Variants in ATRNL1 observed in about 807,000 individuals in gnomAD.
ATRNL1 encodes attractin-like protein 1.
A neutral mutation model predicts 182.7 loss-of-function variants in ATRNL1; 95 were observed. The ratio of observed to expected loss-of-function variants is 0.52; its 90% CI spans 0.44 to 0.62. The LOEUF (loss-of-function observed/expected upper bound fraction) is 0.62, where lower values mean the gene tolerates loss of function less well. Ranked by LOEUF, ATRNL1 falls within the 20% of genes least tolerant of loss-of-function variation. ATRNL1 has a pLI of 0.00. For missense variants in ATRNL1, 1,471 were observed against 1,679.5 expected (o/e 0.88, Z 2.17); for synonymous variants, 576 against 568.3 (o/e 1.01, Z -0.19).
intron 9 of ATRNL1, among the ~76,000 whole-genome samples, chr10:115,218,231 A>G (rs1849306772): frequency 6.6e-6 from 1 of 151,810 alleles, no homozygotes; most frequent in Admixed American, 6.6e-5. Flanking sequence ...TGTTTTGCCT[A>G]TGTTCAGTCT....
intron 8 of ATRNL1, among the ~76,000 whole-genome samples, chr10:115,178,070 C>T (rs1181546243): frequency 6.6e-6 from 1 of 151,170 alleles, no homozygotes; most frequent in Non-Finnish European, 1.5e-5. Context: ...AGGCATGCAC[C>T]ACCACACCCA....
chr10:115,502,935 G>C (rs967436331), intron 24 of ATRNL1, among the ~76,000 whole-genome samples: 8 of 152,046 alleles, frequency 5.3e-5, no homozygotes, highest in Non-Finnish European at 2.9e-5. Context: ...CACCTCCTCT[G>C]CGATAGTTTT....
chr10:115,869,778 C>T (rs1435115507), intron 28 of ATRNL1, among the ~76,000 whole-genome samples: 2 of 151,674 alleles, frequency 1.3e-5, no homozygotes, highest in Admixed American at 6.6e-5. Context: ...TTTACATAAG[C>T]GGCATCATTT....
At chr10:115,616,668 A>C (rs1179698107) in intron 26 of ATRNL1, among the ~76,000 whole-genome samples, 1 of 151,992 alleles carries the variant, frequency 6.6e-6, no homozygotes, top group East Asian at 1.9e-4. Flanking sequence ...CATCCTAGTC[A>C]CTCCAGCTCC....
At position 115,948,979 on chromosome 10, in the gene ATRNL1, C is replaced by T. The variant is rs2133660486; in HGVS notation, c.*4200C>T. 6.6e-6 allele frequency: 1 copy of T among 152,268 alleles called. No homozygotes were observed. Among genetic ancestry groups the T allele is most frequent in the African/African-American group, 2.4e-5 (1 of 41,546 alleles). 9.4% of individuals were successfully genotyped at this position (152,268 alleles called of 1,614,324 possible). A position where few individuals can be genotyped will look rare whatever the true frequency, so the allele number is the denominator to read the frequency against. On this transcript the variant is annotated 3_prime_UTR_variant, in exon 29 of 29. Coordinates refer to ENST00000355044, the MANE Select transcript of ATRNL1 (RefSeq NM_207303.4). ...ACTTTATTAAATAAAAACATTGGCTCTTCCAACCCCCACTGCCAAATGCAG... is the reference window on the plus strand; with the variant it reads ...ACTTTATTAAATAAAAACATTGGCTTTTCCAACCCCCACTGCCAAATGCAG...
At chr10:115,340,461 C>CT (rs1389244935) in intron 19 of ATRNL1, among the ~76,000 whole-genome samples, 1 of 133,852 alleles carries the variant, frequency 7.5e-6, no homozygotes, top group African/African-American at 2.8e-5. Flanking sequence ...CTTTTTTTTT[C>CT]TTTTCTTTTC....
chr10:115,789,648 A>G (rs1297840937), intron 27 of ATRNL1, among the ~76,000 whole-genome samples: 3 of 152,040 alleles, frequency 2.0e-5, no homozygotes, highest in African/African-American at 7.2e-5. Flanking sequence ...TGCCTTTGTC[A>G]TTTTTTCCTA....
intron 26 of ATRNL1, among the ~76,000 whole-genome samples, chr10:115,577,561 T>G (rs562797955): frequency 1.2e-4 from 18 of 151,602 alleles, no homozygotes; most frequent in Non-Finnish European, 2.4e-4. Flanking sequence ...GATCTTACCA[T>G]GTTGATTTTG....
intron 19 of ATRNL1, among the ~76,000 whole-genome samples, chr10:115,387,770 C>A (rs1554953088): frequency 6.6e-6 from 1 of 151,998 alleles, no homozygotes; most frequent in African/African-American, 2.4e-5. Context: ...TACTTTATTT[C>A]TTTTCATTGC....
chr10:115,695,279 C>G (rs1357158824), intron 26 of ATRNL1, among the ~76,000 whole-genome samples: 1 of 152,050 alleles, frequency 6.6e-6, no homozygotes, highest in Non-Finnish European at 1.5e-5. Context: ...GGTCCAAATT[C>G]AAGGAGCCAT....
At chr10:115,496,499 GT>G (rs1219128828) in intron 24 of ATRNL1, among the ~76,000 whole-genome samples, 1 of 151,922 alleles carries the variant, frequency 6.6e-6, no homozygotes, top group African/African-American at 2.4e-5. Context: ...TGATTATGTG[GT>G]TTTTGTTTTT....
intron 27 of ATRNL1, among the ~76,000 whole-genome samples, chr10:115,786,304 A>G (rs1360284694): frequency 2.0e-5 from 3 of 152,116 alleles, no homozygotes; most frequent in Non-Finnish European, 4.4e-5. Flanking sequence ...TAGGGCCACC[A>G]TAACCAATTA....
chr10:115,939,857 A>G (rs1328156768), intron 28 of ATRNL1, among the ~76,000 whole-genome samples: 1 of 152,134 alleles, frequency 6.6e-6, no homozygotes, highest in Non-Finnish European at 1.5e-5. Flanking sequence ...ACCAGGAAAA[A>G]TTCTCAGGAA....
chr10:115,705,333 C>T (rs1946863627), intron 26 of ATRNL1, among the ~76,000 whole-genome samples: 1 of 151,824 alleles, frequency 6.6e-6, no homozygotes, highest in Non-Finnish European at 1.5e-5. Flanking sequence ...TAGAAATTTT[C>T]TTCACTTCCC....
intron 28 of ATRNL1, among the ~76,000 whole-genome samples, chr10:115,942,563 A>G (rs535389668): frequency 3.5e-4 from 54 of 152,290 alleles, no homozygotes; most frequent in African/African-American, 1.2e-3. Flanking sequence ...CTGTCCATAA[A>G]TCTCTGAATT....
chr10:115,613,133 AG>A (rs1344666566), intron 26 of ATRNL1, among the ~76,000 whole-genome samples: 1 of 152,218 alleles, frequency 6.6e-6, no homozygotes, highest in Non-Finnish European at 1.5e-5. Context: ...TCCATTGGTA[AG>A]TTCCATTTTG....
At chr10:115,894,138 T>C (rs1482508789) in intron 28 of ATRNL1, among the ~76,000 whole-genome samples, 5 of 152,176 alleles carry the variant, frequency 3.3e-5, no homozygotes, top group African/African-American at 1.2e-4. Flanking sequence ...TCAGTGATGC[T>C]AATTAGCATA....
chr10:115,131,028 T>C (rs1845209379), intron 5 of ATRNL1, among the ~76,000 whole-genome samples: 1 of 152,128 alleles, frequency 6.6e-6, no homozygotes, highest in Non-Finnish European at 1.5e-5. Context: ...ATTCAAAGTA[T>C]TAAGAATTTT....
chr10:115,161,365 A>AGAGAGTTGGTGGGATTAAAATGAATTGTT (rs1846774735), intron 6 of ATRNL1, among the ~76,000 whole-genome samples: 2 of 151,970 alleles, frequency 1.3e-5, no homozygotes, highest in African/African-American at 2.4e-5. Context: ...AAGAATTGAA[A>AGAGAGTTGGTGGGATTAAAATGAATTGTT]GAGAGTTGGT....
Sources: allele counts gnomAD v4.1 joint callset (sites outside exome capture counted in the v4.1 genomes callset), GRCh38; gene constraint gnomAD v4.1.1; transcripts MANE v1.5; gene names NCBI Gene and HGNC (gene_info 2026-07-23, HGNC 2026-07-21).